The following HIVEP1 variants were observed in gnomAD, a reference collection of about 807,000 sequenced individuals.
HIVEP1 encodes the protein HIVEP zinc finger 1.
In HIVEP1, 36 loss-of-function variants were observed where a neutral mutation model predicts 180.0. The observed-to-expected ratio is 0.20, with a 90% CI of 0.15 to 0.26. The LOEUF is 0.26. Among genes scored for constraint, HIVEP1 ranks in the 10% least tolerant of loss-of-function variants. The probability of loss-of-function intolerance (pLI) is 1.00; values close to 1 mark genes in which losing one functional copy is unlikely to be tolerated. For missense variants in HIVEP1, 3,143 were observed against 3,268.7 expected, an observed-to-expected ratio of 0.96 and a Z score of 0.94; for synonymous variants, 1,239 against 1,239.0, an observed-to-expected ratio of 1.00 and a Z score of 0.00.
chr6:12,131,302 T>C (rs1758403176), intron 6 of HIVEP1, among the ~76,000 whole-genome samples: 1 of 151,976 alleles, frequency 6.6e-6, no homozygotes, highest in South Asian at 2.1e-4. Context: ...TGATCACAAG[T>C]AAATTCGCTG....
chr6:12,058,696 T>C (rs1771028034), intron 2 of HIVEP1, among the ~76,000 whole-genome samples: 1 of 152,158 alleles, frequency 6.6e-6, no homozygotes, highest in Non-Finnish European at 1.5e-5. Flanking sequence ...CTCCAGCAGC[T>C]TGGGCAAGCA....
intron 3 of HIVEP1, among the ~76,000 whole-genome samples, 175 bp downstream of exon 3, chr6:12,089,412 C>T (rs1487450359): frequency 2.0e-5 from 3 of 152,056 alleles, no homozygotes; most frequent in East Asian, 1.9e-4. Context: ...AACATTTTAG[C>T]CACATAGCAC....
intron 7 of HIVEP1, among the ~76,000 whole-genome samples, chr6:12,137,676 A>G (rs1039099043): frequency 1.3e-5 from 2 of 152,034 alleles, no homozygotes; most frequent in Non-Finnish European, 2.9e-5. Flanking sequence ...AGTTTTGCCA[A>G]GTGCTGTGTC....
downstream of HIVEP1, among the ~76,000 whole-genome samples, chr6:12,168,176 TTATA>T (rs368793823): frequency 3.2e-5 from 2 of 62,500 alleles, no homozygotes; most frequent in Non-Finnish European, 6.1e-5. Flanking sequence ...TATATCTATA[TTATA>T]TATAGATATA....
At position 12,123,254 on chromosome 6, in the gene HIVEP1, T is replaced by G; in HGVS notation, c.3459T>G (p.Pro1153=). The change falls in exon 4 of 9, where the codon CCT becomes CCG. Residue 1153 remains proline, a synonymous_variant. Transcript: ENST00000379388. ...SRPNSFDKPE[P]FERASPVSFQ... ...CCAACTCATTTGACAAGCCTGAGCC[T>G]TTTGAAAGAGCCTCCCCAGTTTCTT... The G allele has an allele frequency of 1.9e-6, 3 of 1,614,136 alleles. No homozygotes were observed. Among genetic ancestry groups the G allele is most frequent in the Non-Finnish European group, 2.5e-6 (3 of 1,180,036 alleles).
chr6:12,042,576 T>A (rs1769845110), intron 2 of HIVEP1, among the ~76,000 whole-genome samples: 1 of 151,730 alleles, frequency 6.6e-6, no homozygotes, highest in Admixed American at 6.6e-5. Flanking sequence ...ATATTTTAGT[T>A]CTATTAGTGG....
At chr6:12,045,156 A>G (rs1347381980) in intron 2 of HIVEP1, among the ~76,000 whole-genome samples, 1 of 152,124 alleles carries the variant, frequency 6.6e-6, no homozygotes, top group Non-Finnish European at 1.5e-5. Flanking sequence ...CTCGCCATCT[A>G]CTGGGCATTT....
intron 2 of HIVEP1, among the ~76,000 whole-genome samples, chr6:12,078,465 CTGCAGTGAGCTAAA>C (rs1263484434): frequency 8.6e-5 from 13 of 151,898 alleles, no homozygotes; most frequent in Admixed American, 2.0e-4. Context: ...GGTTCCTGGT[CTGCAGTGAGCTAAA>C]TGCACAAGGC....
At chr6:12,165,472 TAC>T (rs1760678019), downstream of HIVEP1, among the ~76,000 whole-genome samples, 1 of 152,186 alleles carries the variant, frequency 6.6e-6, no homozygotes, top group Non-Finnish European at 1.5e-5. Context: ...AGCACTGAAC[TAC>T]AGAGTGTCCA....
intron 3 of HIVEP1, among the ~76,000 whole-genome samples, chr6:12,117,403 A>G (rs927678459): frequency 6.6e-6 from 1 of 152,216 alleles, no homozygotes; most frequent in African/African-American, 2.4e-5. Context: ...TGTTTTTCCA[A>G]TTCTTAACTC....
At position 12,078,269 on chromosome 6, in the gene HIVEP1, C is replaced by T. The variant is rs553323889; in HGVS notation, c.41-10915C>T. 4.6e-5 allele frequency among the ~76,000 whole-genome samples: 7 copies of T among 152,158 alleles called. No individual in the cohort carries two copies. In the East Asian group the frequency reaches 5.8e-4, roughly 13 times the overall value. On this transcript the variant is annotated intron_variant, in intron 2 of 8. Coordinates refer to ENST00000379388, the MANE Select transcript of HIVEP1 (RefSeq NM_002114.4). ...TTAAGAACGTCTGAAAGAATAGTCTCGGTGGTCTGTGTTTCGTTTGACTTG... is the reference window on the plus strand; with the variant it reads ...TTAAGAACGTCTGAAAGAATAGTCTTGGTGGTCTGTGTTTCGTTTGACTTG...
the HIVEP1 span, among the ~76,000 whole-genome samples, chr6:12,172,442 T>G: frequency 6.6e-6 from 1 of 151,442 alleles, no homozygotes; most frequent in African/African-American, 2.5e-5. Flanking sequence ...TAAATCTCAT[T>G]CTGAAAAAAA....
chr6:12,133,349 A>G (rs1317587215), intron 6 of HIVEP1, among the ~76,000 whole-genome samples: 1 of 152,222 alleles, frequency 6.6e-6, no homozygotes, highest in Admixed American at 6.5e-5. Context: ...ATGTAGCTCT[A>G]GGAGTCAAGA....
intron 2 of HIVEP1, among the ~76,000 whole-genome samples, chr6:12,023,723 T>C (rs950981022): frequency 6.6e-6 from 1 of 152,196 alleles, no homozygotes; most frequent in African/African-American, 2.4e-5. Flanking sequence ...TGAATGCTTA[T>C]TAACGTTAGC....
At chr6:12,203,116 A>G in the HIVEP1 span, among the ~76,000 whole-genome samples, 1 of 152,248 alleles carries the variant, frequency 6.6e-6, no homozygotes, top group Non-Finnish European at 1.5e-5. Context: ...ATGTTATCCC[A>G]GAAGAAGTGT....
chr6:12,209,411 C>A, the HIVEP1 span, among the ~76,000 whole-genome samples: 2 of 152,128 alleles, frequency 1.3e-5, no homozygotes, highest in Non-Finnish European at 2.9e-5. Context: ...CCAGCCTGGG[C>A]GACAGAATGA....
chr6:12,085,716 C>T (rs1319246572), intron 2 of HIVEP1, among the ~76,000 whole-genome samples: 1 of 152,034 alleles, frequency 6.6e-6, no homozygotes, highest in African/African-American at 2.4e-5. Flanking sequence ...AGGCAGGCCT[C>T]TGAGATGGTG....
At chr6:12,193,488 A>C in the HIVEP1 span, among the ~76,000 whole-genome samples, 3 of 152,218 alleles carry the variant, frequency 2.0e-5, no homozygotes, top group Non-Finnish European at 4.4e-5. Flanking sequence ...GCAGAAAAAC[A>C]GTTTTCAAGG....
chr6:12,055,366 G>A lies in HIVEP1; in HGVS notation c.41-33818G>A, dbSNP rs567691751. Among the ~76,000 whole-genome samples, 16 of 152,214 alleles carry A rather than the reference G, an allele frequency of 1.1e-4. No homozygotes were observed. In the East Asian group the frequency reaches 2.3e-3, roughly 22 times the overall value. On this transcript the variant is annotated intron_variant, in intron 2 of 8. Transcript: ENST00000379388. Reference sequence around the variant, plus strand: ...CACGTGCCTGTAATCCCAGCTACTCGGGAGGCTGAGGCAGGAGAACCCCTT... The same window carrying A: ...CACGTGCCTGTAATCCCAGCTACTCAGGAGGCTGAGGCAGGAGAACCCCTT...
Sources: allele counts gnomAD v4.1 joint callset (sites outside exome capture counted in the v4.1 genomes callset), GRCh38; gene constraint gnomAD v4.1.1; transcripts MANE v1.5; gene names NCBI Gene and HGNC (gene_info 2026-07-23, HGNC 2026-07-21).